BTG4: variants seen among roughly 807,000 people sequenced by gnomAD.
The protein encoded by BTG4 is BTG anti-proliferation factor 4.
A neutral mutation model predicts 19.3 loss-of-function variants in BTG4; 10 were observed. The observed-to-expected ratio is 0.52, with a 90% CI of 0.32 to 0.88. The LOEUF is 0.88. Ranked by LOEUF, BTG4 falls within the 40% of genes least tolerant of loss-of-function variation. BTG4 has a pLI of 0.04. For missense variants in BTG4, 238 were observed against 281.9 expected, an observed-to-expected ratio of 0.84 and a Z score of 1.11; for synonymous variants, 91 against 95.7, an observed-to-expected ratio of 0.95 and a Z score of 0.29.
intron 5 of BTG4, among the ~76,000 whole-genome samples, chr11:111,483,739 A>G: frequency 6.6e-6 from 1 of 152,144 alleles, no homozygotes; most frequent in East Asian, 1.9e-4. Context: ...ATAGCCTCAA[A>G]ACAGCAAATC....
chr11:111,447,604 G>A, the BTG4 span, among the ~76,000 whole-genome samples: 2 of 152,138 alleles, frequency 1.3e-5, no homozygotes, highest in East Asian at 3.8e-4. Flanking sequence ...AGCTTCTCTA[G>A]GAAGGAAAAG....
intron 1 of BTG4, among the ~76,000 whole-genome samples, chr11:111,508,636 T>C (rs1866628267): frequency 6.6e-6 from 1 of 151,944 alleles, no homozygotes; most frequent in Non-Finnish European, 1.5e-5. Context: ...CTCTGTGTCC[T>C]AACCTTTGAT....
chr11:111,445,800 C>A, the BTG4 span, among the ~76,000 whole-genome samples: 1 of 152,204 alleles, frequency 6.6e-6, no homozygotes, highest in African/African-American at 2.4e-5. Context: ...AAGACACTTC[C>A]TCCCTCTGGG....
chr11:111,447,795 T>G, the BTG4 span, among the ~76,000 whole-genome samples: 1 of 152,216 alleles, frequency 6.6e-6, no homozygotes, highest in Non-Finnish European at 1.5e-5. Flanking sequence ...AAATATTCAG[T>G]GAGTGCATCC....
chr11:111,415,087 G>C, the BTG4 span: 1 of 152,176 alleles, frequency 6.6e-6, no homozygotes, highest in South Asian at 2.1e-4. Context: ...GCAGTTGCAA[G>C]ATGGCCCCAA....
At chr11:111,404,701 C>T in the BTG4 span, 1 of 455,876 alleles carries the variant, frequency 2.2e-6, no homozygotes, top group South Asian at 1.6e-5. Flanking sequence ...TGAAGAATGT[C>T]CTTTTTCTTG....
At chr11:111,496,245 A>G (rs1865722603) in intron 4 of BTG4, among the ~76,000 whole-genome samples, 1 of 152,198 alleles carries the variant, frequency 6.6e-6, no homozygotes, top group Admixed American at 6.5e-5. Context: ...CCAATTCTAG[A>G]AAAAAATGGC....
downstream of BTG4, among the ~76,000 whole-genome samples, chr11:111,494,309 G>A (rs1261169263): frequency 6.6e-6 from 1 of 152,156 alleles, no homozygotes; most frequent in Admixed American, 6.5e-5. Context: ...ACCTGGCTGA[G>A]AACAAACAGC....
In BTG4 at chr11:111,489,079, G is replaced by C. The variant is rs186479294; in HGVS notation, c.662+6084C>G. On this transcript the variant is annotated intron_variant, in intron 5 of 5. Transcript: ENST00000356018. ...AAATCACTTGAACCCAGAAGCAGAC[G>C]TTGTGGCGAACTGAGGTCATGCCAT... Among the ~76,000 whole-genome samples the C allele has an allele frequency of 2.5e-3, 378 of 151,680 alleles. 1 individual carries two copies. Among genetic ancestry groups the C allele is most frequent in the African/African-American group, 8.5e-3 (351 of 41,352 alleles).
intron 1 of BTG4, among the ~76,000 whole-genome samples, chr11:111,506,403 TCTCACTTGTAAG>T (rs1434671220): frequency 6.6e-6 from 1 of 152,104 alleles, no homozygotes; most frequent in Non-Finnish European, 1.5e-5. Context: ...TATTACGTAT[TCTCACTTGTAAG>T]TGGGAGCTAA....
the BTG4 span, chr11:111,455,713 A>G: frequency 4.7e-6 from 2 of 424,470 alleles, no homozygotes; most frequent in East Asian, 7.3e-5. Flanking sequence ...TGGCCAAAAC[A>G]AAACGTCCTT....
the BTG4 span, among the ~76,000 whole-genome samples, chr11:111,392,524 G>C: frequency 6.6e-6 from 1 of 152,098 alleles, no homozygotes; most frequent in Admixed American, 6.6e-5. Context: ...CCATTCCCAG[G>C]GTTTCTGATT....
chr11:111,402,925 T>C, the BTG4 span, among the ~76,000 whole-genome samples: 2 of 152,166 alleles, frequency 1.3e-5, no homozygotes, highest in African/African-American at 4.8e-5. Flanking sequence ...ACATTGAAAT[T>C]TGTGTTGACT....
chr11:111,427,112 C>T, the BTG4 span, among the ~76,000 whole-genome samples: 1 of 152,220 alleles, frequency 6.6e-6, no homozygotes, highest in African/African-American at 2.4e-5. Flanking sequence ...TCTATTGGAA[C>T]ATCTCTTTTC....
At chr11:111,420,726 T>G in the BTG4 span, among the ~76,000 whole-genome samples, 192 of 152,348 alleles carry the variant, frequency 1.3e-3, no homozygotes, top group Admixed American at 3.1e-3. Flanking sequence ...CATTCATGCA[T>G]TCATTCAACA....
At chr11:111,408,913 A>C in the BTG4 span, among the ~76,000 whole-genome samples, 1,053 of 152,288 alleles carry the variant, frequency 6.9e-3, 10 homozygotes, top group African/African-American at 0.024. Context: ...AAGGAGACAC[A>C]AGGTGCTGTG....
chr11:111,484,406 T>C (rs1158481000), intron 5 of BTG4, among the ~76,000 whole-genome samples: 1 of 152,138 alleles, frequency 6.6e-6, no homozygotes. Context: ...AAGACAAATC[T>C]ATCAAAAATA....
At chr11:111,505,239 A>C (rs1866367718) in intron 1 of BTG4, among the ~76,000 whole-genome samples, 2 of 152,084 alleles carry the variant, frequency 1.3e-5, no homozygotes, top group African/African-American at 4.8e-5. Context: ...ATAGTAACTA[A>C]AATCGCATGG....
the BTG4 span, among the ~76,000 whole-genome samples, chr11:111,388,757 G>C: frequency 0.022 from 3,298 of 152,310 alleles, 138 homozygotes; most frequent in African/African-American, 0.075. Context: ...CAAGGGGCCA[G>C]AGCCCCCCAG....
Sources: gnomAD v4.1 joint callset for allele counts (sites outside exome capture counted in the v4.1 genomes callset) on GRCh38, gnomAD v4.1.1 for gene constraint, MANE v1.5 for transcripts, NCBI Gene and HGNC (gene_info 2026-07-23, HGNC 2026-07-21) for gene names.